The following PLD5 variants were observed in gnomAD, a reference collection of about 807,000 sequenced individuals.
PLD5 encodes inactive phospholipase D5.
PLD5 carries 36 observed loss-of-function variants against 61.1 expected under a neutral mutation model. That is an observed-to-expected ratio of 0.59 (90% confidence interval 0.45 to 0.78). The LOEUF (loss-of-function observed/expected upper bound fraction) is 0.78. Ranked by LOEUF, PLD5 falls within the 30% of genes least tolerant of loss-of-function variation. PLD5 has a pLI of 0.00. For missense variants in PLD5, 515 were observed against 644.4 expected, an observed-to-expected ratio of 0.80 and a Z score of 2.17; for synonymous variants, 243 against 242.8, an observed-to-expected ratio of 1.00 and a Z score of -0.01.
At chr1:242,449,283 T>C in intron 1 of PLD5, 1 of 1,531,824 alleles carries the variant, frequency 6.5e-7, no homozygotes, top group Non-Finnish European at 8.7e-7. Flanking sequence ...ACAGCCATTT[T>C]CACCAGCAGA....
rs866960829 is a variant in PLD5 at position 242,266,981 on chromosome 1, G to A, written c.496-1533C>T. ...AAAATACAAAAATCAGCTGGGCATG[G>A]TGGTGGGTGCCTGTAATCCCAGCTA... On this transcript the variant is annotated intron_variant, in intron 3 of 9. Coordinates refer to ENST00000536534, the MANE Select transcript of PLD5 (RefSeq NM_001372062.1). Among the ~76,000 whole-genome samples the A allele has an allele frequency of 2.6e-5, 4 of 152,228 alleles. No individual in the cohort carries two copies. In the Middle Eastern group the frequency reaches 0.01, roughly 388 times the overall value.
At chr1:242,467,378 T>C (rs887388784) in intron 1 of PLD5, among the ~76,000 whole-genome samples, 1 of 152,186 alleles carries the variant, frequency 6.6e-6, no homozygotes, top group South Asian at 2.1e-4. Flanking sequence ...GTAGTGGTTA[T>C]AGTAGTCTGT....
intron 3 of PLD5, among the ~76,000 whole-genome samples, chr1:242,267,609 C>T (rs552416440): frequency 1.8e-4 from 27 of 151,814 alleles, no homozygotes; most frequent in African/African-American, 6.0e-4. Context: ...AGGCAGAGGC[C>T]GAGCTTATCC....
rs113371324 is a variant in PLD5 at position 242,302,802 on chromosome 1, C to T, written c.327-14272G>A. On this transcript the variant is annotated intron_variant, in intron 2 of 9. Transcript: ENST00000536534. ...ATCTCCCAAATACATATGAAATGTA[C>T]ATGTAAGCTTCTGTTTGTTTTTTCT... Among the ~76,000 whole-genome samples the T allele has an allele frequency of 6.7e-3, 1,015 of 152,224 alleles. 12 individuals carry two copies. Among genetic ancestry groups the T allele is most frequent in the African/African-American group, 0.023 (959 of 41,540 alleles).
chr1:242,377,407 G>T, intron 1 of PLD5: 2 of 1,138,300 alleles, frequency 1.8e-6, no homozygotes, highest in South Asian at 1.3e-5. Context: ...TTCCGCTTGG[G>T]ACTGGGGACC....
chr1:242,294,663 C>T (rs948201007), intron 2 of PLD5, among the ~76,000 whole-genome samples: 2 of 152,142 alleles, frequency 1.3e-5, no homozygotes, highest in African/African-American at 2.4e-5. Flanking sequence ...TCAATCTGTT[C>T]CCACTTCTGA....
At chr1:242,139,428 G>A (rs760064642) in intron 5 of PLD5, among the ~76,000 whole-genome samples, 2 of 151,834 alleles carry the variant, frequency 1.3e-5, no homozygotes, top group African/African-American at 4.8e-5. Flanking sequence ...CCATGGCAGC[G>A]TCTTCAACTT....
chr1:242,136,862 T>A (rs959177008), intron 5 of PLD5, among the ~76,000 whole-genome samples: 3 of 152,218 alleles, frequency 2.0e-5, no homozygotes, highest in Non-Finnish European at 4.4e-5. Context: ...GAAGTCATCT[T>A]AAGTATCCGG....
chr1:242,258,639 G>C (rs944570331), intron 4 of PLD5, among the ~76,000 whole-genome samples: 5 of 152,124 alleles, frequency 3.3e-5, no homozygotes, highest in African/African-American at 9.7e-5. Flanking sequence ...CCAATATTCA[G>C]TCAACAAACC....
Position 242,253,950 on chromosome 1 carries a change from G to A in PLD5, c.607+11387C>T, listed in dbSNP as rs2653182. ...CTTGGGCAGCTCTTAGAACAGAGAC[G>A]GAAAACACAGATGGGGAGTCACTGG... On this transcript the variant is annotated intron_variant, in intron 4 of 9. Coordinates refer to ENST00000536534, the MANE Select transcript of PLD5 (RefSeq NM_001372062.1). Among the ~76,000 whole-genome samples the A allele has an allele frequency of 2.2e-4, 34 of 152,272 alleles. 1 individual carries two copies. The highest frequency in any genetic ancestry group is 5.3e-4 in the African/African-American group (22 of 41,554).
intron 4 of PLD5, among the ~76,000 whole-genome samples, chr1:242,228,254 A>G (rs951628288): frequency 5.9e-5 from 9 of 152,186 alleles, no homozygotes; most frequent in African/African-American, 2.2e-4. Context: ...TCTTCCATAT[A>G]TCTAGCAGTT....
intron 5 of PLD5, among the ~76,000 whole-genome samples, chr1:242,127,258 A>G (rs1180781104): frequency 6.6e-6 from 1 of 152,204 alleles, no homozygotes; most frequent in Non-Finnish European, 1.5e-5. Context: ...TTCCTTAAAG[A>G]ATTAAAAGTA....
chr1:242,296,325 T>C (rs536174283), intron 2 of PLD5, among the ~76,000 whole-genome samples: 3 of 152,360 alleles, frequency 2.0e-5, no homozygotes, highest in Non-Finnish European at 2.9e-5. Flanking sequence ...ATTCTGTAGA[T>C]TTCCTGTTTA....
intron 8 of PLD5, among the ~76,000 whole-genome samples, chr1:242,106,957 C>A (rs937742424): frequency 6.6e-6 from 1 of 152,176 alleles, no homozygotes; most frequent in East Asian, 1.9e-4. Flanking sequence ...TAGAGTCAAA[C>A]ATGACCTAGA....
chr1:242,146,714 G>A (rs12736345), intron 5 of PLD5, among the ~76,000 whole-genome samples: 16,964 of 152,194 alleles, frequency 0.11, 1,042 homozygotes, highest in South Asian at 0.21. Flanking sequence ...AGCTGTGGAA[G>A]AAACATGGAG....
In PLD5 at chr1:242,393,630, A is replaced by ATATATATGTGTATATATATGAG. The variant is rs1553366011; in HGVS notation, c.190-45410_190-45389dup. 3.9e-3 allele frequency among the ~76,000 whole-genome samples: 395 copies of ATATATATGTGTATATATATGAG among 100,810 alleles called. 28 individuals are homozygous for ATATATATGTGTATATATATGAG. The highest frequency in any genetic ancestry group is 5.8e-3 in the Non-Finnish European group (305 of 52,424). The allele number at this position is 100,810 out of a possible 152,430, so 66.1% of individuals were successfully genotyped here. A position where few individuals can be genotyped will look rare whatever the true frequency, so the allele number is the denominator to read the frequency against. On this transcript the variant is annotated intron_variant, in intron 1 of 9. Coordinates refer to ENST00000536534, the MANE Select transcript of PLD5 (RefSeq NM_001372062.1). ...AGCATATATGTGTATATATATGAGT[A>ATATATATGTGTATATATATGAG]TATATATGTGTATATATATGAGTAT...
At position 242,194,665 on chromosome 1, in the gene PLD5, T is replaced by C. The variant is rs183028895; in HGVS notation, c.735+25323A>G. Among the ~76,000 whole-genome samples, 16 of 148,494 alleles carry C rather than the reference T, an allele frequency of 1.1e-4. No individual in the cohort carries two copies. The East Asian group carries it at 1.4e-3, about 13-fold the overall frequency. ...ATCTATCTATCTATCTATCTATCTA[T>C]CTACCTATCTATGATAGAATACTAC... On this transcript the variant is annotated intron_variant, in intron 5 of 9. Transcript: ENST00000536534.
chr1:242,318,985 T>C (rs1253452220), intron 2 of PLD5, among the ~76,000 whole-genome samples: 4 of 152,138 alleles, frequency 2.6e-5, no homozygotes, highest in Non-Finnish European at 4.4e-5. Flanking sequence ...GTCTTGCTGA[T>C]TTCAGTCTCC....
At chr1:242,227,036 T>C (rs1670996348) in intron 4 of PLD5, among the ~76,000 whole-genome samples, 1 of 152,232 alleles carries the variant, frequency 6.6e-6, no homozygotes, top group African/African-American at 2.4e-5. Flanking sequence ...ACACACATTT[T>C]AAAAGGAGTA....
Sources: gnomAD v4.1 joint callset for allele counts (sites outside exome capture counted in the v4.1 genomes callset) on GRCh38, gnomAD v4.1.1 for gene constraint, MANE v1.5 for transcripts, NCBI Gene and HGNC (gene_info 2026-07-23, HGNC 2026-07-21) for gene names.